The following MACROD2 variants were observed in gnomAD, a reference collection of about 807,000 sequenced individuals.
The protein encoded by MACROD2 is ADP-ribose glycohydrolase MACROD2.
MACROD2 carries 36 observed loss-of-function variants against 70.4 expected under a neutral mutation model. That is an observed-to-expected ratio of 0.51 (90% CI 0.39 to 0.68). The LOEUF (loss-of-function observed/expected upper bound fraction) is 0.68. Ranked by LOEUF, MACROD2 falls within the 30% of genes least tolerant of loss-of-function variation. The pLI, the probability that MACROD2 is intolerant of heterozygous loss-of-function variation, is 0.00. For missense variants in MACROD2, 496 were observed against 538.4 expected (o/e 0.92, Z 0.78); for synonymous variants, 172 against 178.8 (o/e 0.96, Z 0.30).
At chr20:14,346,493 T>C (rs2083065639) in intron 3 of MACROD2, among the ~76,000 whole-genome samples, 1 of 152,226 alleles carries the variant, frequency 6.6e-6, no homozygotes, top group African/African-American at 2.4e-5. Flanking sequence ...CTAGTAATTG[T>C]ATAGCAGATG....
intron 5 of MACROD2, among the ~76,000 whole-genome samples, chr20:15,188,149 T>C (rs957237911): frequency 2.0e-5 from 3 of 152,204 alleles, no homozygotes; most frequent in African/African-American, 7.2e-5. Context: ...CTCATATAAA[T>C]TATTCCAGTC....
chr20:14,343,075 C>G (rs1409264544), intron 3 of MACROD2, among the ~76,000 whole-genome samples: 1 of 151,956 alleles, frequency 6.6e-6, no homozygotes. Context: ...GTAGCTGGTG[C>G]AAAACTAGAA....
At chr20:15,273,830 C>T (rs1032375471) in intron 6 of MACROD2, among the ~76,000 whole-genome samples, 2 of 152,152 alleles carry the variant, frequency 1.3e-5, no homozygotes, top group African/African-American at 4.8e-5. Flanking sequence ...CTAATAACTA[C>T]AACTGTGGAC....
intron 6 of MACROD2, among the ~76,000 whole-genome samples, chr20:15,307,335 G>T (rs1452787810): frequency 6.6e-6 from 1 of 152,266 alleles, no homozygotes; most frequent in East Asian, 1.9e-4. Flanking sequence ...GGATCTTTTG[G>T]TCTCTGACGA....
intron 8 of MACROD2, among the ~76,000 whole-genome samples, chr20:15,766,260 GT>G (rs1476487505): frequency 1.3e-5 from 2 of 152,116 alleles, no homozygotes; most frequent in Non-Finnish European, 2.9e-5. Context: ...TTAATGCTTA[GT>G]ACTTCTTCAC....
At chr20:15,194,245 CAAAA>C (rs71190180) in intron 5 of MACROD2, among the ~76,000 whole-genome samples, 3 of 49,844 alleles carry the variant, frequency 6.0e-5, no homozygotes, top group African/African-American at 8.9e-5. Context: ...CACTCTGTCT[CAAAA>C]AAAAAAAAAA....
At chr20:13,996,206 C>T (rs1221711447) in intron 1 of MACROD2, 1 of 229,764 alleles carries the variant, frequency 4.4e-6, no homozygotes, top group Non-Finnish European at 8.4e-6. Context: ...GGACAGGTGC[C>T]CGTCGGCGGG....
chr20:14,462,407 T>G (rs868651667), intron 3 of MACROD2, among the ~76,000 whole-genome samples: 41 of 152,252 alleles, frequency 2.7e-4, no homozygotes, highest in South Asian at 2.3e-3. Context: ...TAAATTTGTT[T>G]GAGTTCATTG....
chr20:14,100,746 A>C (rs1179100609), intron 3 of MACROD2, among the ~76,000 whole-genome samples: 3 of 133,710 alleles, frequency 2.2e-5, no homozygotes, highest in Non-Finnish European at 3.2e-5. Context: ...TAAATATAAT[A>C]TATAATATAT....
intron 15 of MACROD2, among the ~76,000 whole-genome samples, chr20:16,025,104 G>C (rs761954632): frequency 1.8e-4 from 28 of 152,190 alleles, no homozygotes; most frequent in Non-Finnish European, 3.8e-4. Context: ...AAGGATTAAG[G>C]TGTCTTTGCC....
intron 5 of MACROD2, among the ~76,000 whole-genome samples, chr20:14,790,145 A>G (rs978011990): frequency 6.6e-6 from 1 of 152,076 alleles, no homozygotes; most frequent in Non-Finnish European, 1.5e-5. Context: ...TTATATAAAC[A>G]CTTCTTATTT....
intron 5 of MACROD2, among the ~76,000 whole-genome samples, chr20:14,829,736 A>G (rs1248171707): frequency 2.0e-5 from 3 of 152,100 alleles, no homozygotes. Context: ...TTTGAATGCA[A>G]TTTGTGACCA....
intron 3 of MACROD2, among the ~76,000 whole-genome samples, chr20:14,143,810 A>T (rs1318606937): frequency 6.6e-6 from 1 of 152,162 alleles, no homozygotes; most frequent in Non-Finnish European, 1.5e-5. Flanking sequence ...ACCAAATGAA[A>T]CATTTCTGAA....
chr20:14,532,486 G>A lies in MACROD2; in HGVS notation c.301+38978G>A, dbSNP rs545579978. On this transcript the variant is annotated intron_variant, in intron 4 of 17. Coordinates refer to ENST00000684519, the MANE Select transcript of MACROD2 (RefSeq NM_001351661.2). ...GATCCGCACGTCTCAGCCTCCCAAA[G>A]TGCTGGGATTACAGGCTTGAGCCAC... is the stretch of plus-strand genomic sequence containing the variant. Among the ~76,000 whole-genome samples, 15 of 151,842 alleles carry A rather than the reference G, an allele frequency of 9.9e-5. 1 individual carries two copies. The South Asian group carries it at 3.1e-3, about 32-fold the overall frequency.
At chr20:14,994,510 A>G (rs1214858252) in intron 5 of MACROD2, among the ~76,000 whole-genome samples, 2 of 152,200 alleles carry the variant, frequency 1.3e-5, no homozygotes, top group Non-Finnish European at 2.9e-5. Context: ...GTCAAAAAGC[A>G]GAGCAGAGCT....
chr20:15,026,598 A>C (rs2075233644), intron 5 of MACROD2, among the ~76,000 whole-genome samples: 1 of 152,038 alleles, frequency 6.6e-6, no homozygotes, highest in Non-Finnish European at 1.5e-5. Flanking sequence ...TATGACTCTT[A>C]ATCAATGGAT....
chr20:14,607,115 T>C (rs988555666), intron 4 of MACROD2, among the ~76,000 whole-genome samples: 2 of 152,138 alleles, frequency 1.3e-5, no homozygotes, highest in African/African-American at 4.8e-5. Flanking sequence ...TTCGTCTGGA[T>C]TGAAACTCTC....
At chr20:15,000,349 C>A (rs577647433) in intron 5 of MACROD2, among the ~76,000 whole-genome samples, 1 of 130,762 alleles carries the variant, frequency 7.6e-6, no homozygotes, top group Non-Finnish European at 1.6e-5. Flanking sequence ...AACGGCCGGG[C>A]GCGGTGGCTC....
intron 5 of MACROD2, among the ~76,000 whole-genome samples, chr20:15,075,850 T>C (rs448272): frequency 0.72 from 110,169 of 151,972 alleles, 40,426 homozygotes; most frequent in African/African-American, 0.84. Flanking sequence ...ACACCCTCCA[T>C]GAGCGCTGAA....
Sources: gnomAD v4.1 joint callset for allele counts (sites outside exome capture counted in the v4.1 genomes callset) on GRCh38, gnomAD v4.1.1 for gene constraint, MANE v1.5 for transcripts, NCBI Gene and HGNC (gene_info 2026-07-23, HGNC 2026-07-21) for gene names.